Variants in CCDC50 observed in about 807,000 individuals in gnomAD.
CCDC50 encodes the protein coiled-coil domain containing 50.
In CCDC50, 54 loss-of-function variants were observed where a neutral mutation model predicts 70.2. The ratio of observed to expected loss-of-function variants is 0.77; its 90% CI spans 0.62 to 0.96. The LOEUF (loss-of-function observed/expected upper bound fraction) is 0.96, where lower values mean the gene tolerates loss of function less well. Ranked by LOEUF, CCDC50 falls within the 50% of genes least tolerant of loss-of-function variation. The probability of loss-of-function intolerance (pLI) is 0.00; values close to 1 mark genes in which losing one functional copy is unlikely to be tolerated. For synonymous variants in CCDC50, 216 were observed against 198.8 expected (o/e 1.09, Z -0.73); for missense variants, 558 against 578.7 (o/e 0.96, Z 0.37).
chr3:191,349,225 C>T (rs1254575233), intron 1 of CCDC50, among the ~76,000 whole-genome samples: 1 of 142,148 alleles, frequency 7.0e-6, no homozygotes, highest in African/African-American at 2.5e-5. Context: ...TTCAGTTTCT[C>T]TGAATCCCAT....
At chr3:191,373,886 A>G (rs1469685723) in intron 5 of CCDC50, among the ~76,000 whole-genome samples, 1 of 152,174 alleles carries the variant, frequency 6.6e-6, no homozygotes, top group African/African-American at 2.4e-5. Flanking sequence ...TACATTTAGC[A>G]CATACCTCTT....
At chr3:191,337,493 C>T (rs896466730) in intron 1 of CCDC50, among the ~76,000 whole-genome samples, 4 of 151,778 alleles carry the variant, frequency 2.6e-5, no homozygotes, top group East Asian at 1.9e-4. Flanking sequence ...TACAGTTGCC[C>T]GCCACTATGC....
intron 1 of CCDC50, among the ~76,000 whole-genome samples, chr3:191,339,322 GA>G (rs530323000): frequency 3.2e-4 from 49 of 152,244 alleles, no homozygotes; most frequent in African/African-American, 1.2e-3. Flanking sequence ...GCAGTGCTAC[GA>G]AAAACAAATG....
In CCDC50 at chr3:191,394,007, G is replaced by C. The variant is rs1024851255; in HGVS notation, c.*2247G>C. 1 of 151,814 alleles carries C rather than the reference G, an allele frequency of 6.6e-6. No individual in the cohort carries two copies. Among genetic ancestry groups the C allele is most frequent in the Non-Finnish European group, 1.5e-5 (1 of 67,932 alleles). 9.4% of individuals were successfully genotyped at this position (151,814 alleles called of 1,614,324 possible). ...ATTCTGCATTTCTCTTGCCTCTCAT[G>C]TACTTCATCCAGTTATTTATTATTG... is the stretch of plus-strand genomic sequence containing the variant. On this transcript the variant is annotated 3_prime_UTR_variant, in exon 12 of 12. Coordinates refer to ENST00000392455, the MANE Select transcript of CCDC50 (RefSeq NM_178335.3).
At chr3:191,388,961 C>A (rs139184062) in intron 10 of CCDC50, among the ~76,000 whole-genome samples, 2 of 149,098 alleles carry the variant, frequency 1.3e-5, no homozygotes, top group African/African-American at 2.5e-5. Flanking sequence ...TAAAAAGTTG[C>A]GAATGTATTA....
chr3:191,362,577 G>A (rs968828365), intron 4 of CCDC50, among the ~76,000 whole-genome samples: 1 of 152,158 alleles, frequency 6.6e-6, no homozygotes, highest in African/African-American at 2.4e-5. Context: ...ATAACAATAT[G>A]GTTTGTTAAG....
At chr3:191,351,240 G>C (rs1712097150) in intron 1 of CCDC50, among the ~76,000 whole-genome samples, 1 of 141,890 alleles carries the variant, frequency 7.0e-6, no homozygotes, top group Non-Finnish European at 1.6e-5. Context: ...TTCTTTGTTG[G>C]TGAAAGCTGA....
chr3:191,346,495 C>G (rs766722228), intron 1 of CCDC50, among the ~76,000 whole-genome samples: 17 of 152,172 alleles, frequency 1.1e-4, no homozygotes, highest in Non-Finnish European at 2.4e-4. Context: ...GCCCTAGACT[C>G]TGCCTGTAAC....
At chr3:191,338,706 C>A (rs1711606603) in intron 1 of CCDC50, among the ~76,000 whole-genome samples, 1 of 152,172 alleles carries the variant, frequency 6.6e-6, no homozygotes, top group African/African-American at 2.4e-5. Flanking sequence ...TAGAGCTAAT[C>A]TTTGAAAGAT....
At chr3:191,370,901 T>C (rs1462725867) in intron 5 of CCDC50, among the ~76,000 whole-genome samples, 2 of 152,168 alleles carry the variant, frequency 1.3e-5, no homozygotes, top group Non-Finnish European at 2.9e-5. Context: ...CTTGGAATGC[T>C]TTATTATAAT....
intron 1 of CCDC50, among the ~76,000 whole-genome samples, chr3:191,341,705 A>G (rs1254232852): frequency 6.6e-6 from 1 of 152,206 alleles, no homozygotes; most frequent in African/African-American, 2.4e-5. Context: ...CAATAAGGTG[A>G]ATATAAATTT....
At chr3:191,351,051 G>T (rs1295729660) in intron 1 of CCDC50, among the ~76,000 whole-genome samples, 1 of 140,976 alleles carries the variant, frequency 7.1e-6, no homozygotes, top group African/African-American at 2.5e-5. Flanking sequence ...CTGAGAAAAA[G>T]ATAAGGGGAT....
chr3:191,365,075 T>G (rs954553314), intron 4 of CCDC50, among the ~76,000 whole-genome samples: 1 of 142,238 alleles, frequency 7.0e-6, no homozygotes, highest in African/African-American at 2.6e-5. Flanking sequence ...TGTGTACTTA[T>G]GTGCATGACT....
chr3:191,357,019 ATCCT>A (rs1331931116), intron 1 of CCDC50, 65 bp from the exon 2 acceptor site: 1 of 989,976 alleles, frequency 1.0e-6, no homozygotes, highest in African/African-American at 1.6e-5. Context: ...AAAAAAAAAA[ATCCT>A]TTCCTTTGTA....
intron 4 of CCDC50, among the ~76,000 whole-genome samples, chr3:191,367,137 A>G (rs1712722052): frequency 6.6e-6 from 1 of 152,118 alleles, no homozygotes; most frequent in Admixed American, 6.6e-5. Context: ...TTAGAAGAGC[A>G]AAAAGGTTTG....
chr3:191,335,585 C>A (rs1172925799), intron 1 of CCDC50, among the ~76,000 whole-genome samples: 4 of 152,080 alleles, frequency 2.6e-5, no homozygotes, highest in African/African-American at 9.7e-5. Context: ...AGAAAACAAT[C>A]ATTATTTCCT....
intron 1 of CCDC50, among the ~76,000 whole-genome samples, chr3:191,331,613 C>G (rs1384357371): frequency 6.6e-6 from 1 of 152,140 alleles, no homozygotes; most frequent in African/African-American, 2.4e-5. Flanking sequence ...TCGATGAGAT[C>G]ACTGTCTTTG....
At chr3:191,345,682 C>G (rs201256127) in intron 1 of CCDC50, among the ~76,000 whole-genome samples, 1 of 152,076 alleles carries the variant, frequency 6.6e-6, no homozygotes, top group Non-Finnish European at 1.5e-5. Context: ...TATCTACTTG[C>G]CAAACAAGTG....
At position 191,393,218 on chromosome 3, in the gene CCDC50, C is replaced by T. The variant is rs1713755504; in HGVS notation, c.*1458C>T. 1 of 152,192 alleles carries T rather than the reference C, an allele frequency of 6.6e-6. No individual in the cohort carries two copies. The highest frequency in any genetic ancestry group is 6.5e-5 in the Admixed American group (1 of 15,276). 9.4% of individuals were successfully genotyped at this position (152,192 alleles called of 1,614,324 possible). ...AGTTGACAAATGGCAATCAAGCTCACTTGTTCTCCCTCTCTCTGTCTCCCC... is the reference window on the plus strand; with the variant it reads ...AGTTGACAAATGGCAATCAAGCTCATTTGTTCTCCCTCTCTCTGTCTCCCC... On this transcript the variant is annotated 3_prime_UTR_variant, in exon 12 of 12. Coordinates refer to ENST00000392455, the MANE Select transcript of CCDC50 (RefSeq NM_178335.3).
Sources: gnomAD v4.1 joint callset for allele counts (sites outside exome capture counted in the v4.1 genomes callset) on GRCh38, gnomAD v4.1.1 for gene constraint, MANE v1.5 for transcripts, NCBI Gene and HGNC (gene_info 2026-07-23, HGNC 2026-07-21) for gene names.